The following MEGF10 variants were observed in gnomAD, a reference collection of about 807,000 sequenced individuals.
MEGF10 encodes multiple EGF like domains 10.
In MEGF10, 86 loss-of-function variants were observed where a neutral mutation model predicts 147.5. That is an observed-to-expected ratio of 0.58 (90% CI 0.49 to 0.70). The LOEUF is 0.70. MEGF10 is among the 30% of genes least tolerant of loss of function. The probability of loss-of-function intolerance (pLI) is 0.00; values close to 1 mark genes in which losing one functional copy is unlikely to be tolerated. For synonymous variants in MEGF10, 478 were observed against 525.5 expected, an observed-to-expected ratio of 0.91 and a Z score of 1.24; for missense variants, 1,329 against 1,487.3, an observed-to-expected ratio of 0.89 and a Z score of 1.75.
At chr5:127,302,620 A>T (rs887553277) in intron 1 of MEGF10, among the ~76,000 whole-genome samples, 5 of 152,232 alleles carry the variant, frequency 3.3e-5, no homozygotes, top group Non-Finnish European at 7.3e-5. Context: ...AGGTTAAAAA[A>T]GTTATCTCAA....
Position 127,449,123 on chromosome 5 carries a change from A to T in MEGF10, c.2881A>T (p.Asn961Tyr). 6.2e-7 allele frequency: 1 copy of T among 1,614,080 alleles called. No individual in the cohort carries two copies. The highest frequency in any genetic ancestry group is 8.5e-7 in the Non-Finnish European group (1 of 1,179,986). The change falls in exon 22 of 25, where the codon AAT becomes TAT. Residue 961 changes from asparagine to tyrosine, a missense_variant. Physicochemically the swap from Asn to Tyr is moderately radical, Grantham distance 143. Transcript: ENST00000503335. The part of the protein sequence containing the change: ...TKSKNNQLFV[N>Y]LKNVNPGKRG... Reference sequence around the variant, plus strand: ...GTCAAAAAACAATCAACTGTTTGTGAATCTTAAAAATGTGAACCCTGGGAA... The same window carrying T: ...GTCAAAAAACAATCAACTGTTTGTGTATCTTAAAAATGTGAACCCTGGGAA...
chr5:127,370,047 T>A, intron 5 of MEGF10, 45 bp downstream of exon 5: 1 of 1,473,232 alleles, frequency 6.8e-7, no homozygotes, highest in Non-Finnish European at 9.5e-7. Context: ...GTTTTTGCTG[T>A]AAGGCCCTCC....
intron 1 of MEGF10, among the ~76,000 whole-genome samples, chr5:127,328,999 T>C (rs1482647079): frequency 6.6e-6 from 1 of 152,210 alleles, no homozygotes; most frequent in Non-Finnish European, 1.5e-5. Context: ...CTTAGTTAAG[T>C]TGCTGTAAGG....
chr5:127,428,479 A>G (rs189586385), intron 13 of MEGF10, among the ~76,000 whole-genome samples: 1 of 152,172 alleles, frequency 6.6e-6, no homozygotes, highest in East Asian at 1.9e-4. Context: ...ACTACACCAC[A>G]CTATGCTGTA....
intron 2 of MEGF10, among the ~76,000 whole-genome samples, chr5:127,338,166 C>T (rs990671089): frequency 2.0e-5 from 3 of 152,006 alleles, no homozygotes; most frequent in Admixed American, 1.3e-4. Flanking sequence ...TGAACTTGGG[C>T]TATTGATTTG....
chr5:127,277,731 G>A, the MEGF10 span, among the ~76,000 whole-genome samples: 5 of 152,176 alleles, frequency 3.3e-5, no homozygotes, highest in African/African-American at 1.2e-4. Context: ...GTAGGTTGGT[G>A]AATGTATTTT....
rs1763285492 is a variant in MEGF10, at chr5:127,382,054, TA to T, written c.412+12056del. Among the ~76,000 whole-genome samples, 6 of 152,354 alleles carry T rather than the reference TA, an allele frequency of 3.9e-5. No individual in the cohort carries two copies. The South Asian group carries it at 1.0e-3, about 26-fold the overall frequency. On this transcript the variant is annotated intron_variant, in intron 5 of 24. Coordinates refer to ENST00000503335, the MANE Select transcript of MEGF10 (RefSeq NM_001256545.2). ...TTTGTGAGTGTGTTAAAGAACTTTT[TA>T]AAACACTTGAAAATTTCCCCAGGTC...
chr5:127,309,952 T>TC (rs746867674), intron 1 of MEGF10, among the ~76,000 whole-genome samples: 723 of 54,542 alleles, frequency 0.013, 14 homozygotes, highest in African/African-American at 0.048. Flanking sequence ...GCCAACTCTT[T>TC]CTTTCTTTCT....
chr5:127,412,689 C>G (rs1308720414), intron 9 of MEGF10, among the ~76,000 whole-genome samples: 1 of 151,254 alleles, frequency 6.6e-6, no homozygotes, highest in Non-Finnish European at 1.5e-5. Context: ...AAAAAACAAA[C>G]AAACAAACAA....
chr5:127,246,944 T>TATACAATAACATATACTATATA, the MEGF10 span, among the ~76,000 whole-genome samples: 5 of 5,988 alleles, frequency 8.4e-4, no homozygotes, highest in Admixed American at 2.4e-3. Flanking sequence ...ATGATTATAT[T>TATACAATAACATATACTATATA]ATATATAATA....
rs138098425 is a variant in MEGF10 at position 127,422,449 on chromosome 5, G to A, written c.1591-221G>A. On this transcript the variant is annotated intron_variant, in intron 12 of 24. Coordinates refer to ENST00000503335, the MANE Select transcript of MEGF10 (RefSeq NM_001256545.2). The stretch of plus-strand genomic sequence containing the variant: ...GAATTCCTTCAACCCGGGAGGCCGA[G>A]GTTGCGCTGAGCTGAAATCACACCA... Among the ~76,000 whole-genome samples, 5 of 152,270 alleles carry A rather than the reference G, an allele frequency of 3.3e-5. No homozygotes were observed. The East Asian group carries it at 9.7e-4, about 29-fold the overall frequency.
intron 22 of MEGF10, 109 bp downstream of exon 22, chr5:127,449,331 A>T (rs565117325): frequency 2.6e-5 from 38 of 1,471,530 alleles, no homozygotes; most frequent in Non-Finnish European, 2.9e-5. Context: ...TTGCATCAAA[A>T]AGCACAATAG....
intron 22 of MEGF10, among the ~76,000 whole-genome samples, chr5:127,451,717 C>G (rs1200148678): frequency 6.6e-6 from 1 of 152,306 alleles, no homozygotes; most frequent in Middle Eastern, 3.4e-3. Flanking sequence ...ACCCAAGGGA[C>G]TGAGTGTTAG....
chr5:127,355,548 C>T (rs1762250049), intron 4 of MEGF10, among the ~76,000 whole-genome samples: 1 of 152,152 alleles, frequency 6.6e-6, no homozygotes, highest in Non-Finnish European at 1.5e-5. Flanking sequence ...TTCAGAGGAA[C>T]CTACCAGTAA....
At chr5:127,264,333 G>A in the MEGF10 span, among the ~76,000 whole-genome samples, 1 of 152,092 alleles carries the variant, frequency 6.6e-6, no homozygotes, top group Non-Finnish European at 1.5e-5. Context: ...AACTGTATCA[G>A]AGATATATTA....
rs200174116 is a variant in MEGF10, at chr5:127,417,699, G to T, written c.1192G>T (p.Glu398Ter). 2 of 1,614,124 alleles carry T rather than the reference G, an allele frequency of 1.2e-6. No homozygotes were observed. Among genetic ancestry groups the T allele is most frequent in the Non-Finnish European group, 1.7e-6 (2 of 1,180,032 alleles). Residue 398 changes from glutamate (E) to a stop codon, truncating the protein, a stop_gained, in exon 10 of 25, where the codon GAG becomes TAG. Coordinates refer to ENST00000503335, the MANE Select transcript of MEGF10 (RefSeq NM_001256545.2). LOFTEE classifies it high-confidence loss of function. ...GGGCTGGTCAGGACTCTACTGTAAT[G>T]AGACATGTTCTCCTGGATTCTACGG... ...KPGWSGLYCN[E>*]TCSPGFYGEA...
chr5:127,406,870 G>T lies in MEGF10; in HGVS notation c.918-3519G>T, dbSNP rs534239877. Among the ~76,000 whole-genome samples, 4 of 152,232 alleles carry T rather than the reference G, an allele frequency of 2.6e-5. No individual in the cohort carries two copies. In the South Asian group the frequency reaches 8.3e-4, roughly 32 times the overall value. On this transcript the variant is annotated intron_variant, in intron 8 of 24. Coordinates refer to ENST00000503335, the MANE Select transcript of MEGF10 (RefSeq NM_001256545.2). Reference sequence around the variant, plus strand: ...AGGGGTTAAAAGAGTTTCGAATGCCGATAGTGCTGCCGTAGGATCACTCTG... The same window carrying T: ...AGGGGTTAAAAGAGTTTCGAATGCCTATAGTGCTGCCGTAGGATCACTCTG...
At chr5:127,312,609 G>T (rs1255114193) in intron 1 of MEGF10, among the ~76,000 whole-genome samples, 1 of 152,210 alleles carries the variant, frequency 6.6e-6, no homozygotes, top group Non-Finnish European at 1.5e-5. Context: ...TCAGAGGGAA[G>T]GTTGGATCCT....
chr5:127,244,794 T>A, the MEGF10 span, among the ~76,000 whole-genome samples: 1 of 152,110 alleles, frequency 6.6e-6, no homozygotes, highest in Non-Finnish European at 1.5e-5. Context: ...TGGTTCAGAT[T>A]TGCAAGAATT....
Sources: gnomAD v4.1 joint callset for allele counts (sites outside exome capture counted in the v4.1 genomes callset) on GRCh38, gnomAD v4.1.1 for gene constraint, MANE v1.5 for transcripts, NCBI Gene and HGNC (gene_info 2026-07-23, HGNC 2026-07-21) for gene names.